The following SIPA1L3 variants were observed in gnomAD, a reference collection of about 807,000 sequenced individuals.
The protein encoded by SIPA1L3 is signal-induced proliferation-associated 1-like protein 3.
Under a neutral mutation model 150.1 loss-of-function variants are expected in SIPA1L3, and 59 were observed. The ratio of observed to expected loss-of-function variants is 0.39; its 90% CI spans 0.32 to 0.49. The LOEUF is 0.49. Ranked by LOEUF, SIPA1L3 falls within the 20% of genes least tolerant of loss-of-function variation. The pLI is 0.86. For missense variants in SIPA1L3, 2,211 were observed against 2,489.5 expected, an observed-to-expected ratio of 0.89 and a Z score of 2.38; for synonymous variants, 1,070 against 1,077.6, an observed-to-expected ratio of 0.99 and a Z score of 0.14.
intron 2 of SIPA1L3, among the ~76,000 whole-genome samples, chr19:38,076,056 G>A (rs1368725555): frequency 1.2e-4 from 18 of 151,536 alleles, no homozygotes; most frequent in Admixed American, 1.2e-3. Flanking sequence ...CAGGAGAATG[G>A]CGTAACCTGG....
At chr19:37,956,965 A>G (rs1258077277) in intron 1 of SIPA1L3, among the ~76,000 whole-genome samples, 4 of 152,004 alleles carry the variant, frequency 2.6e-5, no homozygotes, top group Non-Finnish European at 5.9e-5. Context: ...TTTTGATATC[A>G]TTTTTGTGTA....
chr19:38,120,935 C>A (rs1971002323), intron 9 of SIPA1L3, among the ~76,000 whole-genome samples: 1 of 152,264 alleles, frequency 6.6e-6, no homozygotes, highest in African/African-American at 2.4e-5. Flanking sequence ...AAGATCTAGT[C>A]AGAAGGCCTG....
rs139333585 is a variant in SIPA1L3, at chr19:38,164,554, C to T, written c.3856C>T (p.Arg1286Cys). The T allele has an allele frequency of 2.1e-5, 34 of 1,614,028 alleles. No individual in the cohort carries two copies. Among genetic ancestry groups the T allele is most frequent in the African/African-American group, 5.3e-5 (4 of 74,926 alleles). Reference protein sequence around the residue: ...SNASSSHSDDRWFDPLDPLEP... With the variant: ...SNASSSHSDDCWFDPLDPLEP... ...CGCATCCAGCAGCCACAGCGACGAC[C>T]GCTGGTTCGACCCCCTGGACCCCCT... The change falls in exon 15 of 22, where the codon CGC (arginine) becomes TGC (cysteine). Residue 1286 changes from arginine to cysteine, a missense_variant. Transcript: ENST00000222345. The surrounding 1 kb of genome is among the most constrained non-coding windows in gnomAD (Gnocchi z 4.1).
chr19:37,948,914 C>G (rs186347430), intron 1 of SIPA1L3, among the ~76,000 whole-genome samples: 1 of 152,336 alleles, frequency 6.6e-6, no homozygotes, highest in African/African-American at 2.4e-5. Flanking sequence ...AACCCCAAGG[C>G]TGGAGCTTCC....
At chr19:37,995,221 A>C (rs764412843) in intron 1 of SIPA1L3, among the ~76,000 whole-genome samples, 6 of 152,174 alleles carry the variant, frequency 3.9e-5, no homozygotes, top group Non-Finnish European at 5.9e-5. Flanking sequence ...CTGGGGCAGC[A>C]CATGTCTGTA....
At chr19:38,038,245 G>T (rs927869281) in intron 2 of SIPA1L3, among the ~76,000 whole-genome samples, 1 of 152,132 alleles carries the variant, frequency 6.6e-6, no homozygotes, top group Non-Finnish European at 1.5e-5. Flanking sequence ...CTGGAAAGGA[G>T]TTCTGAGCAG....
intron 17 of SIPA1L3, 88 bp from the exon 18 acceptor site, chr19:38,193,449 C>T: frequency 7.4e-7 from 1 of 1,356,410 alleles, no homozygotes; most frequent in South Asian, 1.9e-5. Flanking sequence ...GGACTCGCCA[C>T]CAATGTCCTA....
intron 16 of SIPA1L3, among the ~76,000 whole-genome samples, chr19:38,187,715 CAAAAAAAAAA>C (rs34187992): frequency 1.7e-5 from 1 of 59,532 alleles, no homozygotes; most frequent in African/African-American, 7.3e-5. Flanking sequence ...GACTCCGTCT[CAAAAAAAAAA>C]AAAAAAAAAA....
chr19:38,192,038 G>T, intron 16 of SIPA1L3, 107 bp from the exon 17 acceptor site: 2 of 991,426 alleles, frequency 2.0e-6, no homozygotes, highest in Non-Finnish European at 1.5e-6. Context: ...AGGAGAGAAG[G>T]CTGTGGCCAT....
chr19:37,975,889 G>C (rs1480738440), intron 1 of SIPA1L3, among the ~76,000 whole-genome samples: 1 of 152,070 alleles, frequency 6.6e-6, no homozygotes, highest in African/African-American at 2.4e-5. Context: ...TAGATCACTT[G>C]AGGTCAGGAG....
chr19:37,920,994 C>G (rs990136093), intron 1 of SIPA1L3, among the ~76,000 whole-genome samples: 3 of 152,220 alleles, frequency 2.0e-5, no homozygotes, highest in Non-Finnish European at 4.4e-5. Context: ...TCAGGACAGA[C>G]GTACACAGAT....
intron 10 of SIPA1L3, among the ~76,000 whole-genome samples, chr19:38,132,415 T>C (rs1203158360): frequency 2.0e-5 from 3 of 151,546 alleles, no homozygotes; most frequent in Non-Finnish European, 4.4e-5. Context: ...AGAAACACTG[T>C]CTCTACTAAA....
At chr19:38,113,197 C>T (rs528921436) in intron 8 of SIPA1L3, among the ~76,000 whole-genome samples, 46 of 148,636 alleles carry the variant, frequency 3.1e-4, no homozygotes, top group Non-Finnish European at 6.1e-4. Flanking sequence ...GGCTACAGAG[C>T]GAGACTCCAT....
intron 1 of SIPA1L3, among the ~76,000 whole-genome samples, chr19:37,986,931 C>CT (rs945501714): frequency 1.3e-5 from 2 of 151,882 alleles, no homozygotes; most frequent in Non-Finnish European, 2.9e-5. Flanking sequence ...TTTCTTTTTT[C>CT]TTTTTTTGCT....
Position 38,082,041 on chromosome 19 carries a change from C to T in SIPA1L3, c.476C>T (p.Pro159Leu). ...VEFQDGWPRS[P>L]GRAFLPLRHR... is the part of the protein sequence containing the mutation. ...TTCCAGGACGGGTGGCCCCGGTCCC[C>T]CGGCAGGGCCTTCCTCCCCCTTCGG... is the stretch of plus-strand genomic sequence containing the variant. Residue 159 changes from proline (P) to leucine (L), a missense_variant, in exon 3 of 22, where the codon CCC becomes CTC. This residue lies in a region of SIPA1L3 where 587 missense variants were observed against 534.5 expected (regional missense o/e 1.10). Coordinates refer to ENST00000222345, the MANE Select transcript of SIPA1L3 (RefSeq NM_015073.3). The T allele has an allele frequency of 6.2e-7, 1 of 1,614,022 alleles. No homozygotes were observed.
At chr19:38,158,392 C>T (rs574092846) in intron 13 of SIPA1L3, among the ~76,000 whole-genome samples, 1 of 152,118 alleles carries the variant, frequency 6.6e-6, no homozygotes, top group Non-Finnish European at 1.5e-5. Context: ...TAGTTGGAGA[C>T]CCTGAGGTGG....
chr19:38,105,096 G>A (rs1302811676), intron 6 of SIPA1L3, among the ~76,000 whole-genome samples: 1 of 151,888 alleles, frequency 6.6e-6, no homozygotes, highest in Non-Finnish European at 1.5e-5. Context: ...AGTGGCTCAC[G>A]CCTGTAATCC....
chr19:37,920,047 CT>C (rs1477712494), intron 1 of SIPA1L3, among the ~76,000 whole-genome samples: 2 of 148,610 alleles, frequency 1.3e-5, no homozygotes, highest in Non-Finnish European at 3.0e-5. Flanking sequence ...GCCAGTGCTT[CT>C]TGGTTTGTAA....
At chr19:38,038,887 A>C (rs554733785) in intron 2 of SIPA1L3, among the ~76,000 whole-genome samples, 2 of 152,104 alleles carry the variant, frequency 1.3e-5, no homozygotes, top group African/African-American at 4.8e-5. Flanking sequence ...TTTTAATTTT[A>C]ATTTTTATTT....
Sources: allele counts gnomAD v4.1 joint callset (sites outside exome capture counted in the v4.1 genomes callset), GRCh38; gene constraint gnomAD v4.1.1; regional missense constraint gnomAD v4.1.1; non-coding constraint Gnocchi (gnomAD v3.1); transcripts MANE v1.5; gene names NCBI Gene and HGNC (gene_info 2026-07-23, HGNC 2026-07-21).